The following MIR2052HG variants were observed in gnomAD, a reference collection of about 807,000 sequenced individuals.
MIR2052HG encodes MIR2052 host gene.
chr8:74,729,961 C>A (rs1407674290), intron 4 of MIR2052HG, among the ~76,000 whole-genome samples: 1 of 152,076 alleles, frequency 6.6e-6, no homozygotes, highest in Non-Finnish European at 1.5e-5. Flanking sequence ...TAGTGAGAAA[C>A]TTTGGGAAAA....
At chr8:74,729,040 T>G (rs1175355933) in intron 4 of MIR2052HG, among the ~76,000 whole-genome samples, 1 of 152,216 alleles carries the variant, frequency 6.6e-6, no homozygotes, top group Admixed American at 6.5e-5. Flanking sequence ...TTATTTGGAT[T>G]AAAGAACTCT....
intron 4 of MIR2052HG, among the ~76,000 whole-genome samples, chr8:74,713,818 A>G (rs1035952311): frequency 9.2e-5 from 14 of 152,174 alleles, no homozygotes; most frequent in South Asian, 2.1e-4. Context: ...TGATTCTTAT[A>G]TGAACACACT....
chr8:74,756,676 T>C (rs1251729357), intron 5 of MIR2052HG: 1 of 152,210 alleles, frequency 6.6e-6, no homozygotes, highest in Non-Finnish European at 1.5e-5. Flanking sequence ...GTCATGCTTT[T>C]CCAGATACCT....
rs1554574436 is a variant in MIR2052HG, at chr8:74,662,876, G to GTGTGTGTGTA, written n.217-39494_217-39493insATGTGTGTGT. ...GACTCATTTGTGTGTGTGTGTGTGT[G>GTGTGTGTGTA]TGTGTGTGTGTGTGTGTGGTATAAT... On this transcript the variant is annotated intron_variant and non_coding_transcript_variant, in intron 2 of 6. Transcript: ENST00000523442. 4.4e-3 allele frequency among the ~76,000 whole-genome samples: 661 copies of GTGTGTGTGTA among 151,346 alleles called. 2 individuals carry two copies. The highest frequency in any genetic ancestry group is 0.013 in the African/African-American group (542 of 40,912).
At chr8:74,707,363 T>A (rs1809421622) in intron 4 of MIR2052HG, among the ~76,000 whole-genome samples, 1 of 152,166 alleles carries the variant, frequency 6.6e-6, no homozygotes, top group South Asian at 2.1e-4. Flanking sequence ...ATACAAAGTC[T>A]GTGAAATAAA....
intron 4 of MIR2052HG, among the ~76,000 whole-genome samples, chr8:74,707,738 A>G (rs1809425906): frequency 6.6e-6 from 1 of 152,132 alleles, no homozygotes; most frequent in Non-Finnish European, 1.5e-5. Flanking sequence ...TTGAGTGGAC[A>G]TTGTTGCTTA....
chr8:74,620,889 C>T (rs967181430), intron 2 of MIR2052HG, among the ~76,000 whole-genome samples: 1 of 152,200 alleles, frequency 6.6e-6, no homozygotes, highest in Non-Finnish European at 1.5e-5. Flanking sequence ...TTTTCTATTG[C>T]ATGGTCAGGT....
chr8:74,729,916 A>C (rs1024894220), intron 4 of MIR2052HG, among the ~76,000 whole-genome samples: 3 of 152,198 alleles, frequency 2.0e-5, no homozygotes, highest in African/African-American at 7.2e-5. Context: ...TAAAACTAAT[A>C]GTTATGGTAG....
intron 5 of MIR2052HG, among the ~76,000 whole-genome samples, chr8:74,754,564 G>C (rs1206469941): frequency 1.1e-4 from 16 of 152,204 alleles, no homozygotes; most frequent in African/African-American, 3.9e-4. Context: ...AAAAATGGTA[G>C]TTTAGGTGGA....
chr8:74,659,493 G>T (rs1182393753), intron 2 of MIR2052HG, among the ~76,000 whole-genome samples: 1 of 152,026 alleles, frequency 6.6e-6, no homozygotes, highest in Non-Finnish European at 1.5e-5. Flanking sequence ...GAAGCTGGAG[G>T]GCAATAATAT....
At chr8:74,714,710 T>G (rs530040034) in intron 4 of MIR2052HG, among the ~76,000 whole-genome samples, 13 of 147,608 alleles carry the variant, frequency 8.8e-5, no homozygotes, top group South Asian at 6.6e-4. Context: ...TTTTTTTTTT[T>G]TTTTTTTGTT....
chr8:74,611,618 G>C (rs1168429532), intron 1 of MIR2052HG, among the ~76,000 whole-genome samples: 1 of 152,132 alleles, frequency 6.6e-6, no homozygotes, highest in Non-Finnish European at 1.5e-5. Context: ...TATTTATTTA[G>C]ACAAGGAGAA....
At chr8:74,620,392 T>C (rs1808345323) in intron 2 of MIR2052HG, among the ~76,000 whole-genome samples, 2 of 152,198 alleles carry the variant, frequency 1.3e-5, no homozygotes, top group African/African-American at 4.8e-5. Context: ...GTCACCAACC[T>C]CACGTTTCCC....
chr8:74,710,653 A>G (rs1323668195), intron 4 of MIR2052HG, among the ~76,000 whole-genome samples: 1 of 152,168 alleles, frequency 6.6e-6, no homozygotes, highest in Non-Finnish European at 1.5e-5. Context: ...AGAAGTCGTT[A>G]TGAAATGAAG....
chr8:74,617,534 T>A (rs1387900216), intron 2 of MIR2052HG, among the ~76,000 whole-genome samples: 1 of 152,080 alleles, frequency 6.6e-6, no homozygotes, highest in Non-Finnish European at 1.5e-5. Flanking sequence ...AAATGTGGTG[T>A]ATATACATAT....
intron 2 of MIR2052HG, among the ~76,000 whole-genome samples, chr8:74,627,509 G>A (rs912863249): frequency 6.6e-6 from 1 of 152,120 alleles, no homozygotes; most frequent in African/African-American, 2.4e-5. Context: ...AAAATCTTCA[G>A]GCAACACTTT....
chr8:74,742,724 A>C (rs1315671329), intron 4 of MIR2052HG, among the ~76,000 whole-genome samples: 1 of 152,094 alleles, frequency 6.6e-6, no homozygotes, highest in Non-Finnish European at 1.5e-5. Context: ...CTTCCTCCCC[A>C]AACTCTACCA....
rs570070792 is a variant in MIR2052HG at position 74,731,083 on chromosome 8, C to T, written n.372-21358C>T. ...AACCAAGCAGACAAGATGACTCAGC[C>T]AGTTGACATTATCCAGCCTCTGTCA... On this transcript the variant is annotated intron_variant and non_coding_transcript_variant, in intron 4 of 6. Transcript: ENST00000523442. 1.4e-4 allele frequency among the ~76,000 whole-genome samples: 21 copies of T among 152,222 alleles called. No individual in the cohort carries two copies. The South Asian group carries it at 3.1e-3, about 23-fold the overall frequency.
intron 4 of MIR2052HG, among the ~76,000 whole-genome samples, chr8:74,704,199 C>T (rs1306015164): frequency 2.0e-5 from 3 of 151,892 alleles, no homozygotes; most frequent in Non-Finnish European, 2.9e-5. Context: ...AAGCAGAGGT[C>T]CTTTCCCCAC....
Sources: gnomAD v4.1 joint callset for allele counts (sites outside exome capture counted in the v4.1 genomes callset) on GRCh38, gnomAD v4.1.1 for gene constraint, MANE v1.5 for transcripts, NCBI Gene and HGNC (gene_info 2026-07-23, HGNC 2026-07-21) for gene names.